RTL4: variants seen among roughly 807,000 people sequenced by gnomAD.
RTL4 encodes retrotransposon Gag like 4, also known as retrotransposon Gag-like protein 4.
In RTL4, 4 loss-of-function variants were observed where a neutral mutation model predicts 5.3. That is an observed-to-expected ratio of 0.75 (90% CI 0.37 to 1.72). The LOEUF is 1.72. Among genes scored for constraint, RTL4 ranks in the 40% most tolerant of loss-of-function variants. The pLI is 0.04. For synonymous variants in RTL4, 98 were observed against 87.3 expected (o/e 1.12, Z -0.68); for missense variants, 260 against 227.1 (o/e 1.14, Z -0.93).
chrX:112,238,931 A>G, the RTL4 span, among the ~76,000 whole-genome samples: 1 of 111,931 alleles, frequency 8.9e-6, no homozygotes, highest in South Asian at 3.7e-4. Context: ...GAAGCAGTGG[A>G]AAGAAACTGA....
the RTL4 span, among the ~76,000 whole-genome samples, chrX:112,343,843 T>C: frequency 9.0e-6 from 1 of 111,700 alleles, no homozygotes; most frequent in East Asian, 2.8e-4. Context: ...ATACAAACCT[T>C]TCATATTCTT....
the RTL4 span, among the ~76,000 whole-genome samples, chrX:112,256,611 T>C: frequency 8.9e-6 from 1 of 111,862 alleles, no homozygotes; most frequent in Non-Finnish European, 1.9e-5. Flanking sequence ...GAAATTATAA[T>C]CTTTTTGATA....
chrX:112,312,272 C>A, the RTL4 span, among the ~76,000 whole-genome samples: 8 of 110,910 alleles, frequency 7.2e-5, no homozygotes, highest in Non-Finnish European at 1.1e-4. Flanking sequence ...TTTCCATGTA[C>A]CAGAGTTATT....
chrX:112,389,611 A>G, the RTL4 span, among the ~76,000 whole-genome samples: 1 of 111,474 alleles, frequency 9.0e-6, no homozygotes, highest in Non-Finnish European at 1.9e-5. Flanking sequence ...TGTTCTCATT[A>G]TTAGTTTCAA....
chrX:112,332,257 C>T, the RTL4 span, among the ~76,000 whole-genome samples: 6 of 110,557 alleles, frequency 5.4e-5, no homozygotes, highest in East Asian at 5.7e-4. Context: ...GTTCAACCAT[C>T]GTGGAAGACA....
the RTL4 span, among the ~76,000 whole-genome samples, chrX:112,121,601 CATG>C: frequency 9.0e-6 from 1 of 111,116 alleles, no homozygotes; most frequent in Admixed American, 9.6e-5. Flanking sequence ...AGTATGTAAC[CATG>C]ATAACAAATC....
chrX:112,116,020 G>C, the RTL4 span, among the ~76,000 whole-genome samples: 1 of 111,866 alleles, frequency 8.9e-6, no homozygotes, highest in Non-Finnish European at 1.9e-5. Flanking sequence ...AGAAGTACAG[G>C]AAAAGTGGAA....
At chrX:112,397,636 A>G in the RTL4 span, among the ~76,000 whole-genome samples, 1 of 112,079 alleles carries the variant, frequency 8.9e-6, no homozygotes, top group African/African-American at 3.2e-5. Context: ...AACATAATAT[A>G]TATTTCCATT....
the RTL4 span, among the ~76,000 whole-genome samples, chrX:112,419,823 G>C: frequency 9.3e-6 from 1 of 107,380 alleles, no homozygotes; most frequent in Non-Finnish European, 1.9e-5. Context: ...GATGCAGCCA[G>C]GGCTACCATA....
chrX:112,092,841 C>T, the RTL4 span, among the ~76,000 whole-genome samples: 1 of 111,621 alleles, frequency 9.0e-6, no homozygotes, highest in Non-Finnish European at 1.9e-5. Flanking sequence ...TACATTCTGC[C>T]ATGATTGTGA....
At chrX:112,179,035 T>A in the RTL4 span, among the ~76,000 whole-genome samples, 1 of 112,084 alleles carries the variant, frequency 8.9e-6, no homozygotes, top group East Asian at 2.8e-4. Flanking sequence ...CAATGTTTCC[T>A]AAACTCTTTG....
the RTL4 span, among the ~76,000 whole-genome samples, chrX:112,363,158 G>C: frequency 9.0e-6 from 1 of 110,975 alleles, no homozygotes; most frequent in East Asian, 2.9e-4. Flanking sequence ...GGAACACTTG[G>C]AAGACAATGA....
the RTL4 span, among the ~76,000 whole-genome samples, chrX:112,360,003 A>T: frequency 8.9e-6 from 1 of 111,759 alleles, no homozygotes; most frequent in Non-Finnish European, 1.9e-5. Context: ...TCATAATAAT[A>T]GCAATTGCAA....
At chrX:112,405,879 G>C in the RTL4 span, among the ~76,000 whole-genome samples, 1 of 111,004 alleles carries the variant, frequency 9.0e-6, no homozygotes, top group Middle Eastern at 4.2e-3. Flanking sequence ...CCACCTCCCA[G>C]CAGCAATGGC....
chrX:112,218,489 C>T, the RTL4 span, among the ~76,000 whole-genome samples: 1 of 111,899 alleles, frequency 8.9e-6, no homozygotes, highest in Non-Finnish European at 1.9e-5. Flanking sequence ...ATTGTCTGCC[C>T]ACTGGCAACT....
chrX:112,291,628 G>A, the RTL4 span, among the ~76,000 whole-genome samples: 1 of 108,473 alleles, frequency 9.2e-6, no homozygotes, highest in African/African-American at 3.4e-5. Flanking sequence ...ACGGAGTCTT[G>A]CTCTGTCACC....
chrX:112,300,950 A>T, the RTL4 span, among the ~76,000 whole-genome samples: 1 of 111,487 alleles, frequency 9.0e-6, no homozygotes, highest in African/African-American at 3.3e-5. Flanking sequence ...ACAACCTTTG[A>T]GACTCACACA....
At position 112,454,894 on chromosome X, in the gene RTL4, T is replaced by C. The variant is rs1167776625; in HGVS notation, c.166T>C (p.Tyr56His). 6.6e-6 allele frequency: 8 copies of C among 1,210,723 alleles called. No homozygotes were observed. The East Asian group carries it at 2.1e-4, about 31-fold the overall frequency. ...GGCCACCACAGTGATGCCTGTACCA[T>C]ACTCACTTGAGCATCTCACCCAGTT... The change falls in exon 1 of 1, where the codon TAC (tyrosine) becomes CAC (histidine). Residue 56 changes from tyrosine to histidine, a missense_variant. By Grantham distance (83) the Tyr-to-His change is moderately conservative. Coordinates refer to ENST00000340433, the Ensembl canonical transcript of RTL4.
chrX:112,236,440 T>G, the RTL4 span, among the ~76,000 whole-genome samples: 1 of 79,186 alleles, frequency 1.3e-5, no homozygotes, highest in African/African-American at 5.5e-5. Flanking sequence ...TATAGATCTA[T>G]ATCTATATAT....
Sources: gnomAD v4.1 joint callset for allele counts (sites outside exome capture counted in the v4.1 genomes callset) on GRCh38, gnomAD v4.1.1 for gene constraint, MANE v1.5 for transcripts, NCBI Gene and HGNC (gene_info 2026-07-23, HGNC 2026-07-21) for gene names.